The following ADGRG4 variants were observed in gnomAD, a reference collection of about 807,000 sequenced individuals.
ADGRG4 encodes G protein-coupled receptor 112.
ADGRG4 carries 122 observed loss-of-function variants against 126.2 expected under a neutral mutation model. That is an observed-to-expected ratio of 0.97 (90% CI 0.83 to 1.12). The LOEUF is 1.12. Among genes scored for constraint, ADGRG4 ranks in the 50% most tolerant of loss-of-function variants. The pLI is 0.00. For synonymous variants in ADGRG4, 943 were observed against 838.7 expected, an observed-to-expected ratio of 1.12 and a Z score of -2.15; for missense variants, 2,481 against 2,251.8, an observed-to-expected ratio of 1.10 and a Z score of -2.06.
chrX:136,324,574 A>G (rs1285488287), intron 5 of ADGRG4, among the ~76,000 whole-genome samples: 3 of 110,839 alleles, frequency 2.7e-5, no homozygotes, highest in African/African-American at 6.6e-5. Context: ...ACCACACCCA[A>G]CCTTATTTAT....
Position 136,345,278 on chromosome X carries a change from A to G in ADGRG4, c.1572A>G (p.Glu524=). Residue 524 remains glutamate, a synonymous_variant, in exon 6 of 26, where the codon GAA becomes GAG. Coordinates refer to ENST00000394143, the MANE Select transcript of ADGRG4 (RefSeq NM_153834.4). The part of the protein sequence containing the change: ...IETTPAPRTA[E]TELTSTNFQD... The stretch of plus-strand genomic sequence containing the variant: ...CCACACCTGCCCCAAGGACAGCTGA[A>G]ACAGAATTGACATCTACAAATTTTC... 1 of 1,211,079 alleles carries G rather than the reference A, an allele frequency of 8.3e-7. No individual in the cohort carries two copies. Among genetic ancestry groups the G allele is most frequent in the East Asian group, 3.0e-5 (1 of 33,839 alleles).
rs559533039 is a variant in ADGRG4, at chrX:136,357,909, T to C, written c.6980+153T>C. On this transcript the variant is annotated intron_variant, in intron 10 of 25. Transcript: ENST00000394143. ...TTCACATATGCTGTAATTAGGTCCT[T>C]GCCTTCATGAAATATGTTGTTTCGG... 1.1e-4 allele frequency among the ~76,000 whole-genome samples: 12 copies of C among 112,730 alleles called. No individual in the cohort carries two copies. The South Asian group carries it at 4.0e-3, about 38-fold the overall frequency.
At chrX:136,408,510 C>T (rs1331639830) in intron 23 of ADGRG4, among the ~76,000 whole-genome samples, 4 of 112,395 alleles carry the variant, frequency 3.6e-5, no homozygotes. Context: ...AGCGTAATAG[C>T]TCCTAGCTGC....
chrX:136,383,013 A>G (rs1360708246), intron 15 of ADGRG4, among the ~76,000 whole-genome samples: 5 of 110,542 alleles, frequency 4.5e-5, no homozygotes, highest in African/African-American at 1.7e-4. Context: ...GATTCCTGGA[A>G]CTGTGAATCC....
chrX:136,348,341 A>T lies in ADGRG4; in HGVS notation c.4635A>T (p.Pro1545=). ...VITKSSKTMH[P]GCLKSPCTAT... is the part of the protein sequence containing the mutation. Reference sequence around the variant, plus strand: ...CTAAATCTTCTAAAACAATGCATCCAGGTTGTTTGAAAAGTCCCTGTACAG... The same window carrying T: ...CTAAATCTTCTAAAACAATGCATCCTGGTTGTTTGAAAAGTCCCTGTACAG... The change falls in exon 6 of 26, where the codon CCA becomes CCT. Residue 1545 remains proline, a synonymous_variant. Coordinates refer to ENST00000394143, the MANE Select transcript of ADGRG4 (RefSeq NM_153834.4). 8.3e-7 allele frequency: 1 copy of T among 1,209,750 alleles called. No homozygotes were observed. Among genetic ancestry groups the T allele is most frequent in the South Asian group, 1.8e-5 (1 of 56,842 alleles).
At position 136,387,735 on chromosome X, in the gene ADGRG4, G is replaced by C; in HGVS notation, c.7777-5G>C. 1 of 1,201,446 alleles carries C rather than the reference G, an allele frequency of 8.3e-7. No individual in the cohort carries two copies. Among genetic ancestry groups the C allele is most frequent in the Non-Finnish European group, 1.1e-6 (1 of 891,745 alleles). On this transcript the variant is annotated splice_polypyrimidine_tract_variant and splice_region_variant and intron_variant, in intron 15 of 25. Transcript: ENST00000394143. ...CAATTTTCATTTTTTGGCTTTTCTT[G>C]GCAGATTTTCCTAGGCAATGTCCCT...
chrX:136,322,713 C>A (rs375750577), intron 4 of ADGRG4, 65 bp from the exon 5 acceptor site: 2 of 1,048,130 alleles, frequency 1.9e-6, no homozygotes, highest in South Asian at 2.3e-5. Flanking sequence ...TTGCCAAATA[C>A]AATAAAACAA....
At position 136,345,454 on chromosome X, in the gene ADGRG4, C is replaced by G. The variant is rs772389989; in HGVS notation, c.1748C>G (p.Ala583Gly). 1.3e-5 allele frequency: 16 copies of G among 1,208,050 alleles called. No individual in the cohort carries two copies. In the East Asian group the frequency reaches 4.1e-4, roughly 31 times the overall value. Reference protein sequence around the residue: ...TVIDAEATRTALTPEITLAST... With the variant: ...TVIDAEATRTGLTPEITLAST... ...ATTGATGCTGAAGCTACACGTACAGCCTTAACTCCTGAAATCACACTTGCA... is the reference window on the plus strand; with the variant it reads ...ATTGATGCTGAAGCTACACGTACAGGCTTAACTCCTGAAATCACACTTGCA... Residue 583 changes from alanine to glycine, a missense_variant, in exon 6 of 26, where the codon GCC becomes GGC. Coordinates refer to ENST00000394143, the MANE Select transcript of ADGRG4 (RefSeq NM_153834.4).
At chrX:136,412,406 T>C (rs749802463) in intron 24 of ADGRG4, 40 bp downstream of exon 24, 2 of 862,343 alleles carry the variant, frequency 2.3e-6, no homozygotes, top group East Asian at 3.1e-5. Context: ...ATATTACATG[T>C]TTTACAAAAC....
At chrX:136,409,431 C>T (rs1275906653) in intron 23 of ADGRG4, among the ~76,000 whole-genome samples, 1 of 111,237 alleles carries the variant, frequency 9.0e-6, no homozygotes, top group Non-Finnish European at 1.9e-5. Flanking sequence ...AAACTAAACT[C>T]CATGCAAGAA....
Position 136,348,064 on chromosome X carries a change from C to A in ADGRG4, c.4358C>A (p.Ser1453Tyr). 8.3e-7 allele frequency: 1 copy of A among 1,209,775 alleles called. No individual in the cohort carries two copies. Among genetic ancestry groups the A allele is most frequent in the East Asian group, 3.0e-5 (1 of 33,824 alleles). Residue 1453 changes from serine to tyrosine, a missense_variant, in exon 6 of 26, where the codon TCT becomes TAT. Transcript: ENST00000394143. The stretch of plus-strand genomic sequence containing the variant: ...CAACCTGAGGTGACTTCAGTTGCCT[C>A]TTTCATTTCTGAAAGCACACAGACT... Reference protein sequence around the residue: ...RTQPEVTSVASFISESTQTFP... With the variant: ...RTQPEVTSVAYFISESTQTFP...
chrX:136,408,429 C>A (rs1321431967), intron 23 of ADGRG4, among the ~76,000 whole-genome samples: 1 of 111,840 alleles, frequency 8.9e-6, no homozygotes. Flanking sequence ...CCATGTGTAC[C>A]CCATGTTTAG....
intron 15 of ADGRG4, among the ~76,000 whole-genome samples, chrX:136,374,902 G>A (rs1307978631): frequency 1.8e-5 from 2 of 111,135 alleles, no homozygotes; most frequent in East Asian, 5.6e-4. Flanking sequence ...TATTGCAATA[G>A]TTTTTGGGAT....
In ADGRG4 at chrX:136,414,308, A is replaced by G. The variant is rs138783698; in HGVS notation, c.9186A>G (p.Ser3062=). The G allele has an allele frequency of 1.9e-5, 23 of 1,196,387 alleles. No homozygotes were observed. In the African/African-American group the frequency reaches 4.1e-4, roughly 21 times the overall value. ...KSLGSAQGTP[S]EISFPNDDFD... is the part of the protein sequence containing the mutation. ...TAGGCTCTGCACAAGGCACACCTTC[A>G]GAAATAAGCTTTCCAAATGGTAAGA... The change falls in exon 25 of 26, where the codon TCA becomes TCG. Residue 3062 remains serine, a synonymous_variant. Coordinates refer to ENST00000394143, the MANE Select transcript of ADGRG4 (RefSeq NM_153834.4).
chrX:136,327,550 G>A (rs1021548785), intron 5 of ADGRG4, among the ~76,000 whole-genome samples: 4 of 109,456 alleles, frequency 3.7e-5, no homozygotes, highest in Non-Finnish European at 5.7e-5. Context: ...ATCATGGACA[G>A]ACACATAGGT....
chrX:136,409,858 T>C (rs1449641998), intron 23 of ADGRG4, among the ~76,000 whole-genome samples: 1 of 112,242 alleles, frequency 8.9e-6, no homozygotes, highest in Non-Finnish European at 1.9e-5. Context: ...TCAGCTCTGA[T>C]GTGGTACCAG....
At chrX:136,356,302 T>C (rs987673379) in intron 9 of ADGRG4, 137 bp downstream of exon 9, 1 of 372,179 alleles carries the variant, frequency 2.7e-6, no homozygotes, top group Non-Finnish European at 4.6e-6. Context: ...TTACATTACT[T>C]CCTTTGGGAT....
intron 15 of ADGRG4, among the ~76,000 whole-genome samples, chrX:136,379,441 CT>C (rs1326814781): frequency 9.4e-6 from 1 of 106,724 alleles, no homozygotes; most frequent in Non-Finnish European, 1.9e-5. Context: ...CTCTTGCCCC[CT>C]GCCCTCTCCT....
chrX:136,341,295 T>G lies in ADGRG4; in HGVS notation c.686-3097T>G, dbSNP rs762049239. On this transcript the variant is annotated intron_variant, in intron 5 of 25. Transcript: ENST00000394143. ...GAAGATAACTTAGACTTTTATGGTA[T>G]TTAGTGTTTTATTGTTTTCCTAAAA... is the stretch of plus-strand genomic sequence containing the variant. 1.4e-4 allele frequency among the ~76,000 whole-genome samples: 16 copies of G among 112,742 alleles called. No individual in the cohort carries two copies. In the East Asian group the frequency reaches 4.4e-3, roughly 31 times the overall value.
Sources: allele counts gnomAD v4.1 joint callset (sites outside exome capture counted in the v4.1 genomes callset), GRCh38; gene constraint gnomAD v4.1.1; transcripts MANE v1.5; gene names NCBI Gene and HGNC (gene_info 2026-07-23, HGNC 2026-07-21).